B3GLCT: variants seen among roughly 807,000 people sequenced by gnomAD.
The protein encoded by B3GLCT is beta-1,3-glucosyltransferase.
B3GLCT carries 65 observed loss-of-function variants against 63.4 expected under a neutral mutation model. That is an observed-to-expected ratio of 1.03 (90% CI 0.84 to 1.26). The LOEUF (loss-of-function observed/expected upper bound fraction) is 1.26. B3GLCT is among the 50% of genes most tolerant of loss of function. B3GLCT has a pLI of 0.00. For synonymous variants in B3GLCT, 233 were observed against 219.2 expected (o/e 1.06, Z -0.55); for missense variants, 577 against 604.8 (o/e 0.95, Z 0.48).
intron 3 of B3GLCT, among the ~76,000 whole-genome samples, chr13:31,226,685 T>C (rs1023375438): frequency 2.0e-5 from 3 of 152,108 alleles, no homozygotes; most frequent in Non-Finnish European, 2.9e-5. Context: ...TCCTCCCACT[T>C]CAGCTTCCCA....
At chr13:31,281,585 TTG>T (rs1359501185) in intron 10 of B3GLCT, among the ~76,000 whole-genome samples, 2 of 152,114 alleles carry the variant, frequency 1.3e-5, no homozygotes, top group Admixed American at 1.3e-4. Context: ...CCCTACAGTG[TTG>T]TGTTAGGGCA....
At chr13:31,325,391 A>G (rs901172151) in intron 14 of B3GLCT, among the ~76,000 whole-genome samples, 2 of 152,208 alleles carry the variant, frequency 1.3e-5, no homozygotes, top group Non-Finnish European at 2.9e-5. Context: ...AAAAGGGGTA[A>G]TTAAAACTGT....
Position 31,213,867 on chromosome 13 carries a change from G to T in B3GLCT, c.71-1184G>T, listed in dbSNP as rs115753864. Among the ~76,000 whole-genome samples the T allele has an allele frequency of 2.4e-3, 371 of 152,178 alleles. 3 individuals carry two copies. The highest frequency in any genetic ancestry group is 8.5e-3 in the African/African-American group (354 of 41,506). On this transcript the variant is annotated intron_variant, in intron 1 of 14. Transcript: ENST00000343307. ...TGTTATCTAAATTGTTCACATAGAG[G>T]TTCACATGGCTTACATTTCAGTTTC... is the stretch of plus-strand genomic sequence containing the variant.
rs757178096 is a variant in B3GLCT, at chr13:31,323,865, C to A, written c.1299C>A (p.Ile433=). 9 of 1,614,062 alleles carry A rather than the reference C, an allele frequency of 5.6e-6. No homozygotes were observed. Among genetic ancestry groups the A allele is most frequent in the Non-Finnish European group, 7.6e-6 (9 of 1,180,030 alleles). ...GAATGTGCTTTAGTGGCTTGGGAAT[C>A]CCTGTGACACACAGCCCTCTCTTCC... ...VLGMCFSGLG[I]PVTHSPLFHQ... The change falls in exon 14 of 15, where the codon ATC becomes ATA. Residue 433 remains isoleucine (I), a synonymous_variant. Coordinates refer to ENST00000343307, the MANE Select transcript of B3GLCT (RefSeq NM_194318.4).
chr13:31,300,919 G>T (rs1319218413), intron 12 of B3GLCT, among the ~76,000 whole-genome samples: 1 of 152,142 alleles, frequency 6.6e-6, no homozygotes, highest in East Asian at 1.9e-4. Flanking sequence ...GCAAGGAGGA[G>T]ATTAGTTTTA....
chr13:31,248,487 C>T (rs1014463503), intron 6 of B3GLCT, among the ~76,000 whole-genome samples: 1 of 152,084 alleles, frequency 6.6e-6, no homozygotes, highest in African/African-American at 2.4e-5. Flanking sequence ...ATAAGGAAGA[C>T]TAGGGTGCTG....
intron 12 of B3GLCT, among the ~76,000 whole-genome samples, chr13:31,313,998 G>A (rs1874861135): frequency 6.6e-6 from 1 of 152,188 alleles, no homozygotes. Flanking sequence ...TCAGAGAGTG[G>A]AAGCCCCAAG....
chr13:31,308,396 G>A (rs1273973958), intron 12 of B3GLCT, among the ~76,000 whole-genome samples: 3 of 142,118 alleles, frequency 2.1e-5, no homozygotes, highest in Non-Finnish European at 4.6e-5. Context: ...GCTTACAGAT[G>A]AAATGTATCA....
chr13:31,265,465 A>G (rs1317595469), intron 7 of B3GLCT, among the ~76,000 whole-genome samples: 1 of 152,138 alleles, frequency 6.6e-6, no homozygotes, highest in African/African-American at 2.4e-5. Context: ...AACAACTTAC[A>G]GTTACTTAGG....
At chr13:31,285,388 A>G (rs1301313539) in intron 11 of B3GLCT, among the ~76,000 whole-genome samples, 1 of 152,172 alleles carries the variant, frequency 6.6e-6, no homozygotes, top group East Asian at 1.9e-4. Context: ...TGGCTTCACC[A>G]AAAGCCCAGA....
At chr13:31,329,110 A>G (rs1049124687) in intron 14 of B3GLCT, among the ~76,000 whole-genome samples, 28 of 152,194 alleles carry the variant, frequency 1.8e-4, no homozygotes, top group Admixed American at 1.7e-3. Context: ...CCAGCCCCCC[A>G]CAACAAACTT....
At position 31,317,615 on chromosome 13, in the gene B3GLCT, G is replaced by GT; in HGVS notation, c.1115dup (p.Phe373ValfsTer38). 1 of 1,614,100 alleles carries GT rather than the reference G, an allele frequency of 6.2e-7. No homozygotes were observed. Among genetic ancestry groups the GT allele is most frequent in the Non-Finnish European group, 8.5e-7 (1 of 1,179,994 alleles). On this transcript the variant is annotated frameshift_variant, in exon 13 of 15. Coordinates refer to ENST00000343307, the MANE Select transcript of B3GLCT (RefSeq NM_194318.4). LOFTEE classifies it high-confidence loss of function. ...TAGCTGTTATGACTCCGGCGAGCCT[G>GT]TGTTTCTGGGAGAGCGCTACGGCTA...
chr13:31,231,710 A>C (rs188073717), intron 4 of B3GLCT, among the ~76,000 whole-genome samples: 2 of 152,258 alleles, frequency 1.3e-5, no homozygotes, highest in East Asian at 3.9e-4. Context: ...TACAGCAGGG[A>C]TAAGGCATGT....
In B3GLCT at chr13:31,200,059, T is replaced by C; in HGVS notation, c.-26T>C. On this transcript the variant is annotated 5_prime_UTR_variant, in exon 1 of 15. Coordinates refer to ENST00000343307, the MANE Select transcript of B3GLCT (RefSeq NM_194318.4). ...CGCGTCTCCCTTCCCCGCGCCCAGG[T>C]AGGGCGCTCAGCCTCCGCCGCCAGG... The C allele has an allele frequency of 7.5e-7, 1 of 1,334,886 alleles. No homozygotes were observed. The highest frequency in any genetic ancestry group is 9.7e-7 in the Non-Finnish European group (1 of 1,029,264). 82.7% of individuals were successfully genotyped at this position (1,334,886 alleles called of 1,614,324 possible).
intron 12 of B3GLCT, among the ~76,000 whole-genome samples, chr13:31,287,935 A>C (rs149594278): frequency 6.6e-6 from 1 of 152,250 alleles, no homozygotes; most frequent in African/African-American, 2.4e-5. Flanking sequence ...CATTGCAATA[A>C]TAACTATCCA....
In B3GLCT at chr13:31,331,703, A is replaced by G. The variant is rs1044870572; in HGVS notation, c.*2035A>G. On this transcript the variant is annotated 3_prime_UTR_variant, in exon 15 of 15. Coordinates refer to ENST00000343307, the MANE Select transcript of B3GLCT (RefSeq NM_194318.4). ...AAACCATCAGAAATTGATAATGTTT[A>G]TATAAAGTTTATAAAGCCATTGTGT... 1.7e-4 allele frequency: 26 copies of G among 152,264 alleles called. No homozygotes were observed. Among genetic ancestry groups the G allele is most frequent in the African/African-American group, 6.3e-4 (26 of 41,480 alleles). 9.4% of individuals were successfully genotyped at this position (152,264 alleles called of 1,614,324 possible).
intron 1 of B3GLCT, among the ~76,000 whole-genome samples, chr13:31,210,863 G>C (rs1419381871): frequency 6.6e-6 from 1 of 152,030 alleles, no homozygotes; most frequent in Non-Finnish European, 1.5e-5. Context: ...TCCCACCTCA[G>C]CCTCCCAAGT....
intron 2 of B3GLCT, among the ~76,000 whole-genome samples, chr13:31,221,394 C>T (rs1343178027): frequency 1.3e-5 from 2 of 152,160 alleles, no homozygotes; most frequent in Non-Finnish European, 2.9e-5. Flanking sequence ...AGTAAGTCTG[C>T]GCATGCTGAC....
chr13:31,320,657 A>G (rs1438980383), intron 13 of B3GLCT, among the ~76,000 whole-genome samples: 1 of 152,188 alleles, frequency 6.6e-6, no homozygotes, highest in Non-Finnish European at 1.5e-5. Context: ...CTTTAGGATC[A>G]AGTCTGCACT....
Sources: allele counts gnomAD v4.1 joint callset (sites outside exome capture counted in the v4.1 genomes callset), GRCh38; gene constraint gnomAD v4.1.1; transcripts MANE v1.5; gene names NCBI Gene and HGNC (gene_info 2026-07-23, HGNC 2026-07-21).